IL1RAPL1: variants seen among roughly 807,000 people sequenced by gnomAD.
IL1RAPL1 encodes interleukin-1 receptor accessory protein-like 1.
Under a neutral mutation model 48.4 loss-of-function variants are expected in IL1RAPL1, and 3 were observed. The ratio of observed to expected loss-of-function variants is 0.06; its 90% CI spans 0.03 to 0.16. The LOEUF (loss-of-function observed/expected upper bound fraction) is 0.16. Among genes scored for constraint, IL1RAPL1 ranks in the 10% least tolerant of loss-of-function variants. IL1RAPL1 has a pLI of 1.00. For missense variants in IL1RAPL1, 349 were observed against 530.6 expected (o/e 0.66, Z 3.36); for synonymous variants, 185 against 187.7 (o/e 0.99, Z 0.12).
At chrX:29,425,201 T>A (rs899088533) in intron 5 of IL1RAPL1, among the ~76,000 whole-genome samples, 1 of 111,985 alleles carries the variant, frequency 8.9e-6, no homozygotes, top group African/African-American at 3.2e-5. Context: ...TCCAAAATAA[T>A]GGACTCCAAC....
intron 5 of IL1RAPL1, among the ~76,000 whole-genome samples, chrX:29,543,377 A>G (rs1921506388): frequency 9.1e-6 from 1 of 110,484 alleles, no homozygotes; most frequent in African/African-American, 3.3e-5. Context: ...GAAAGAAGGT[A>G]TCCCATCTTA....
chrX:29,464,178 G>A (rs960618418), intron 5 of IL1RAPL1, among the ~76,000 whole-genome samples: 2 of 112,029 alleles, frequency 1.8e-5, no homozygotes, highest in South Asian at 3.7e-4. Flanking sequence ...TATTCAGTTT[G>A]TTATGTGTCT....
intron 5 of IL1RAPL1, among the ~76,000 whole-genome samples, chrX:29,606,846 A>C (rs1420126191): frequency 9.0e-6 from 1 of 111,249 alleles, no homozygotes; most frequent in Non-Finnish European, 1.9e-5. Context: ...TGACTTGCTT[A>C]AATTTTGACA....
intron 2 of IL1RAPL1, among the ~76,000 whole-genome samples, chrX:29,160,244 C>T (rs1929655455): frequency 8.9e-6 from 1 of 111,975 alleles, no homozygotes; most frequent in Admixed American, 9.5e-5. Context: ...AGTAGTTTCA[C>T]TTAGCAGTGA....
chrX:29,566,262 T>C (rs979737344), intron 5 of IL1RAPL1, among the ~76,000 whole-genome samples: 2 of 111,859 alleles, frequency 1.8e-5, no homozygotes, highest in African/African-American at 6.5e-5. Flanking sequence ...TTAAAAAAGA[T>C]AGTGAGTAAA....
At chrX:29,053,809 A>G (rs896385127) in intron 2 of IL1RAPL1, among the ~76,000 whole-genome samples, 42 of 100,334 alleles carry the variant, frequency 4.2e-4, no homozygotes, top group African/African-American at 1.5e-3. Flanking sequence ...TCTTAGCACC[A>G]TTTATTGAAT....
At chrX:29,631,858 A>C (rs752378762) in intron 5 of IL1RAPL1, among the ~76,000 whole-genome samples, 1 of 111,654 alleles carries the variant, frequency 9.0e-6, no homozygotes, top group Non-Finnish European at 1.9e-5. Context: ...ACACAACCAC[A>C]AAACTCTATT....
intron 2 of IL1RAPL1, among the ~76,000 whole-genome samples, chrX:28,823,807 C>T (rs1207095141): frequency 1.8e-5 from 2 of 111,517 alleles, no homozygotes; most frequent in Non-Finnish European, 3.8e-5. Context: ...CCTCCCTGAT[C>T]ACATTGGGAA....
chrX:29,211,155 T>C (rs1045706727), intron 2 of IL1RAPL1, among the ~76,000 whole-genome samples: 56 of 110,125 alleles, frequency 5.1e-4, no homozygotes, highest in African/African-American at 1.8e-3. Flanking sequence ...CGAAACAAAG[T>C]ATTCTCTCAC....
intron 5 of IL1RAPL1, among the ~76,000 whole-genome samples, chrX:29,653,837 T>C (rs930534263): frequency 4.5e-5 from 5 of 110,808 alleles, no homozygotes; most frequent in Non-Finnish European, 9.5e-5. Context: ...GTAATGATGA[T>C]CTAGGCAAGT....
intron 6 of IL1RAPL1, among the ~76,000 whole-genome samples, chrX:29,750,710 A>C (rs1928437238): frequency 8.9e-6 from 1 of 112,026 alleles, no homozygotes; most frequent in Non-Finnish European, 1.9e-5. Context: ...AACCAATTAG[A>C]ATCTACTTAG....
At chrX:29,189,621 G>A (rs1930315237) in intron 2 of IL1RAPL1, among the ~76,000 whole-genome samples, 2 of 111,283 alleles carry the variant, frequency 1.8e-5, no homozygotes, top group Non-Finnish European at 3.8e-5. Flanking sequence ...TGGTAAATAT[G>A]AAAAGAACAA....
chrX:28,855,743 C>G (rs981248645), intron 2 of IL1RAPL1, among the ~76,000 whole-genome samples: 3 of 111,334 alleles, frequency 2.7e-5, no homozygotes, highest in Non-Finnish European at 5.7e-5. Flanking sequence ...AGAGCCTTAA[C>G]GCCTACAAAG....
intron 1 of IL1RAPL1, among the ~76,000 whole-genome samples, chrX:28,668,908 C>T (rs1202566001): frequency 8.9e-6 from 1 of 111,875 alleles, no homozygotes; most frequent in African/African-American, 3.3e-5. Context: ...CTGGTTACTT[C>T]TCTTTGCCTG....
At chrX:29,908,175 T>C (rs1212806961) in intron 6 of IL1RAPL1, among the ~76,000 whole-genome samples, 1 of 110,688 alleles carries the variant, frequency 9.0e-6, no homozygotes, top group Non-Finnish European at 1.9e-5. Context: ...CCTTCATCAA[T>C]TATTTATTGC....
chrX:29,590,130 G>A (rs974434398), intron 5 of IL1RAPL1, among the ~76,000 whole-genome samples: 2 of 110,840 alleles, frequency 1.8e-5, no homozygotes, highest in Non-Finnish European at 3.8e-5. Context: ...CAGATCTCAC[G>A]AGAACTAACT....
At chrX:29,891,836 T>C (rs565660383) in intron 6 of IL1RAPL1, among the ~76,000 whole-genome samples, 1 of 111,567 alleles carries the variant, frequency 9.0e-6, no homozygotes. Flanking sequence ...ATTTGTGAAA[T>C]TCTTCATTAA....
At chrX:29,354,013 A>AT (rs1228952873) in intron 3 of IL1RAPL1, among the ~76,000 whole-genome samples, 1 of 110,695 alleles carries the variant, frequency 9.0e-6, no homozygotes, top group East Asian at 2.8e-4. Flanking sequence ...CTCATAAAAA[A>AT]TAAGCAAACA....
chrX:29,146,578 G>C (rs1321316415), intron 2 of IL1RAPL1, among the ~76,000 whole-genome samples: 1 of 111,652 alleles, frequency 9.0e-6, no homozygotes, highest in Non-Finnish European at 1.9e-5. Flanking sequence ...ACAATATTTG[G>C]TGACTAATTT....
Sources: gnomAD v4.1 joint callset for allele counts (sites outside exome capture counted in the v4.1 genomes callset) on GRCh38, gnomAD v4.1.1 for gene constraint, MANE v1.5 for transcripts, NCBI Gene and HGNC (gene_info 2026-07-23, HGNC 2026-07-21) for gene names.